Variants in E2F4 observed in about 807,000 individuals in gnomAD.
E2F4 encodes transcription factor E2F4.
Under a neutral mutation model 44.5 loss-of-function variants are expected in E2F4, and 16 were observed. The observed-to-expected ratio is 0.36, with a 90% CI of 0.24 to 0.55. E2F4 has a LOEUF of 0.55. E2F4 is among the 20% of genes least tolerant of loss of function. The probability of loss-of-function intolerance (pLI) is 0.87; values close to 1 mark genes in which losing one functional copy is unlikely to be tolerated. For missense variants in E2F4, 473 were observed against 522.1 expected (o/e 0.91, Z 0.92); for synonymous variants, 242 against 207.2 (o/e 1.17, Z -1.44).
At chr16:67,192,932 G>C in intron 2 of E2F4, 62 bp downstream of exon 2, 1 of 1,568,040 alleles carries the variant, frequency 6.4e-7, no homozygotes, top group Non-Finnish European at 8.7e-7. Context: ...GCGTGGGGTG[G>C]AGGGTGCCGA....
At position 67,195,774 on chromosome 16, in the gene E2F4, C is replaced by A; in HGVS notation, c.809-8C>A. On this transcript the variant is annotated splice_polypyrimidine_tract_variant and splice_region_variant and intron_variant, in intron 6 of 9. Coordinates refer to ENST00000379378, the MANE Select transcript of E2F4 (RefSeq NM_001950.4). The stretch of plus-strand genomic sequence containing the variant: ...TTGTATGACTGGGTTTGGGGGCTAT[C>A]ATTGTAGTGAGTGGCGGCCCTGGGA... 1 of 1,614,060 alleles carries A rather than the reference C, an allele frequency of 6.2e-7. No individual in the cohort carries two copies. The highest frequency in any genetic ancestry group is 1.3e-5 in the African/African-American group (1 of 75,008).
rs527975962 is a variant in E2F4, at chr16:67,197,640, A to T, written c.1075A>T (p.Thr359Ser). 1 of 1,614,210 alleles carries T rather than the reference A, an allele frequency of 6.2e-7. No individual in the cohort carries two copies. The highest frequency in any genetic ancestry group is 2.2e-5 in the East Asian group (1 of 44,888). ...PKELSEIFDP[T>S]RECMSSELLE... ...AGAGCTGTCAGAAATCTTTGATCCC[A>T]CACGAGGTAGGCTGCTGCATTCCTC... The change falls in exon 8 of 10, where the codon ACA becomes TCA. Residue 359 changes from threonine to serine, a missense_variant. Physicochemically the swap from Thr to Ser is moderately conservative, Grantham distance 58 (BLOSUM62 1). Coordinates refer to ENST00000379378, the MANE Select transcript of E2F4 (RefSeq NM_001950.4).
At chr16:67,192,892 G>A in intron 2 of E2F4, 22 bp downstream of exon 2, 4 of 1,595,370 alleles carry the variant, frequency 2.5e-6, no homozygotes, top group Non-Finnish European at 3.4e-6. Flanking sequence ...TAGTGGGAGG[G>A]TAGTAGAGTC....
chr16:67,195,103 G>A lies in E2F4; in HGVS notation c.808+123G>A, dbSNP rs550026534. On this transcript the variant is annotated intron_variant, in intron 6 of 9. Coordinates refer to ENST00000379378, the MANE Select transcript of E2F4 (RefSeq NM_001950.4). Reference sequence around the variant, plus strand: ...GGATTGTCCTTTTCCTGACCACCTAGCCTTCCCTTGCTATGGTAATGAATG... The same window carrying A: ...GGATTGTCCTTTTCCTGACCACCTAACCTTCCCTTGCTATGGTAATGAATG... 14 of 1,238,138 alleles carry A rather than the reference G, an allele frequency of 1.1e-5. No homozygotes were observed. The East Asian group carries it at 2.8e-4, about 24-fold the overall frequency. 76.7% of individuals were successfully genotyped at this position (1,238,138 alleles called of 1,614,324 possible). A position where few individuals can be genotyped will look rare whatever the true frequency, so the allele number is the denominator to read the frequency against.
intron 4 of E2F4, 189 bp from the exon 5 acceptor site, chr16:67,194,209 G>A: frequency 1.7e-6 from 1 of 596,688 alleles, no homozygotes; most frequent in Admixed American, 3.2e-5. Context: ...CAGATTTCCT[G>A]GTTACTGACC....
At position 67,194,740 on chromosome 16, in the gene E2F4, A is replaced by T; in HGVS notation, c.568A>T (p.Ile190Phe). 6.2e-7 allele frequency: 1 copy of T among 1,614,162 alleles called. No individual in the cohort carries two copies. The highest frequency in any genetic ancestry group is 8.5e-7 in the Non-Finnish European group (1 of 1,180,016). Residue 190 changes from isoleucine to phenylalanine, a missense_variant, in exon 6 of 10, where the codon ATT (isoleucine) becomes TTT (phenylalanine). By Grantham distance (21) the Ile-to-Phe change is conservative. Transcript: ENST00000379378. ...QIHLKSVSGP[I>F]EVLLVNKEAW... is the part of the protein sequence containing the mutation. ...TCACCTGAAGAGTGTGAGTGGTCCC[A>T]TTGAGGTTCTGCTGGTGAACAAGGA... is the stretch of plus-strand genomic sequence containing the variant.
chr16:67,192,427 C>G, intron 1 of E2F4, 65 bp downstream of exon 1: 1 of 1,398,302 alleles, frequency 7.2e-7, no homozygotes, highest in Non-Finnish European at 9.3e-7. Flanking sequence ...GTAGCGGGAA[C>G]CCCGGGGGCG....
rs1456469447 is a variant in E2F4, at chr16:67,192,878, G to A, written c.245+8G>A. The A allele has an allele frequency of 6.2e-7, 1 of 1,605,524 alleles. No individual in the cohort carries two copies. The highest frequency in any genetic ancestry group is 1.7e-5 in the Admixed American group (1 of 58,792). ...GAACAGCATCCAGTGGAAGTGAGTGGGCATAGTGGGAGGGTAGTAGAGTCT... is the reference window on the plus strand; with the variant it reads ...GAACAGCATCCAGTGGAAGTGAGTGAGCATAGTGGGAGGGTAGTAGAGTCT... On this transcript the variant is annotated splice_region_variant and intron_variant, in intron 2 of 9. Transcript: ENST00000379378.
chr16:67,192,614 G>T, intron 1 of E2F4, 147 bp from the exon 2 acceptor site: 1 of 931,040 alleles, frequency 1.1e-6, no homozygotes. Flanking sequence ...AGCTGCCTAT[G>T]GGACAGAGCT....
Sources: allele counts gnomAD v4.1 joint callset, GRCh38; gene constraint gnomAD v4.1.1; transcripts MANE v1.5; gene names NCBI Gene and HGNC (gene_info 2026-07-23, HGNC 2026-07-21).